Variants in ATP10A observed in about 807,000 individuals in gnomAD.
ATP10A encodes the protein phospholipid-transporting ATPase VA.
In ATP10A, 111 loss-of-function variants were observed where a neutral mutation model predicts 147.8. The ratio of observed to expected loss-of-function variants is 0.75; its 90% confidence interval spans 0.64 to 0.88. The LOEUF is 0.88. ATP10A is among the 40% of genes least tolerant of loss of function. The pLI is 0.00. For synonymous variants in ATP10A, 875 were observed against 841.6 expected, an observed-to-expected ratio of 1.04 and a Z score of -0.69; for missense variants, 1,927 against 1,959.0, an observed-to-expected ratio of 0.98 and a Z score of 0.31.
chr15:25,701,882 G>A (rs373852618), intron 13 of ATP10A, 34 bp downstream of exon 13: 26 of 1,554,532 alleles, frequency 1.7e-5, no homozygotes, highest in Non-Finnish European at 2.2e-5. Flanking sequence ...ACCACCCCAG[G>A]GGAAGGAAGC....
chr15:25,702,753 ATTT>A (rs760038774), intron 12 of ATP10A, among the ~76,000 whole-genome samples: 1 of 141,406 alleles, frequency 7.1e-6, no homozygotes. Context: ...CCTGCCTCAG[ATTT>A]TTTTTTTTTT....
intron 1 of ATP10A, among the ~76,000 whole-genome samples, chr15:25,851,890 C>T (rs1275193398): frequency 6.6e-6 from 1 of 152,056 alleles, no homozygotes; most frequent in Non-Finnish European, 1.5e-5. Context: ...ACTGCAAGAC[C>T]TCATCTCTAA....
intron 1 of ATP10A, among the ~76,000 whole-genome samples, chr15:25,829,887 G>A (rs1159143172): frequency 6.6e-6 from 1 of 152,202 alleles, no homozygotes; most frequent in Admixed American, 6.5e-5. Flanking sequence ...CCAGGGAAGG[G>A]AAGACAGTGA....
intron 1 of ATP10A, among the ~76,000 whole-genome samples, chr15:25,813,627 CT>C (rs1353316074): frequency 4.6e-5 from 7 of 152,100 alleles, no homozygotes; most frequent in Admixed American, 4.6e-4. Flanking sequence ...TGAAATATCC[CT>C]GTGTCCAAGA....
At chr15:25,718,938 C>A (rs1902030505) in intron 7 of ATP10A, among the ~76,000 whole-genome samples, 1 of 152,182 alleles carries the variant, frequency 6.6e-6, no homozygotes, top group Non-Finnish European at 1.5e-5. Flanking sequence ...TTGGACTCAG[C>A]TTTGAAACTC....
intron 13 of ATP10A, among the ~76,000 whole-genome samples, chr15:25,700,155 T>A (rs1047115773): frequency 3.3e-5 from 5 of 152,042 alleles, no homozygotes; most frequent in Admixed American, 6.6e-5. Context: ...TAGACACTAG[T>A]GAAATGCAAA....
At chr15:25,837,670 CG>C (rs2140884154) in intron 1 of ATP10A, among the ~76,000 whole-genome samples, 1 of 152,322 alleles carries the variant, frequency 6.6e-6, no homozygotes, top group South Asian at 2.1e-4. Flanking sequence ...CATGAACGAG[CG>C]CCACTGGGTA....
chr15:25,812,419 C>A (rs1212705482), intron 1 of ATP10A, among the ~76,000 whole-genome samples: 1 of 152,136 alleles, frequency 6.6e-6, no homozygotes. Flanking sequence ...GGAAACATTA[C>A]TATAAAAATA....
At chr15:25,861,282 G>A (rs1473419943) in intron 1 of ATP10A, among the ~76,000 whole-genome samples, 1 of 152,210 alleles carries the variant, frequency 6.6e-6, no homozygotes, top group African/African-American at 2.4e-5. Flanking sequence ...AGCGCCTTCA[G>A]TGACTCTTAC....
chr15:25,843,717 A>G (rs942943215), intron 1 of ATP10A, among the ~76,000 whole-genome samples: 5 of 152,150 alleles, frequency 3.3e-5, no homozygotes, highest in African/African-American at 4.8e-5. Context: ...CCCTGTAGAA[A>G]GACAGACGCA....
chr15:25,796,177 C>T (rs1890662712), intron 1 of ATP10A, among the ~76,000 whole-genome samples: 2 of 152,160 alleles, frequency 1.3e-5, no homozygotes, highest in Non-Finnish European at 1.5e-5. Flanking sequence ...TGGTTCACAT[C>T]TGTAATCCCA....
In ATP10A at chr15:25,693,372, C is replaced by T. The variant is rs1241783978; in HGVS notation, c.3088+1447G>A. Among the ~76,000 whole-genome samples, 2 of 152,148 alleles carry T rather than the reference C, an allele frequency of 1.3e-5. 1 individual carries two copies. The highest frequency in any genetic ancestry group is 2.9e-5 in the Non-Finnish European group (2 of 68,022). The stretch of plus-strand genomic sequence containing the variant: ...TACTTTCCCGTTTTCTTTTGAGATT[C>T]CATTCTGTGTTTCCTTTTCTTTTTA... On this transcript the variant is annotated intron_variant, in intron 14 of 20. Transcript: ENST00000555815.
intron 8 of ATP10A, among the ~76,000 whole-genome samples, chr15:25,717,838 A>C (rs1901917021): frequency 6.6e-6 from 1 of 152,024 alleles, no homozygotes; most frequent in East Asian, 1.9e-4. Flanking sequence ...GTCTAATTAA[A>C]ACTCCCTTGG....
intron 1 of ATP10A, among the ~76,000 whole-genome samples, chr15:25,849,097 C>T (rs1893163501): frequency 6.6e-6 from 1 of 151,884 alleles, no homozygotes; most frequent in South Asian, 2.1e-4. Flanking sequence ...ACAGGAGAGG[C>T]GGGGTAAGCA....
chr15:25,797,708 A>G (rs1446858105), intron 1 of ATP10A, among the ~76,000 whole-genome samples: 1 of 152,120 alleles, frequency 6.6e-6, no homozygotes, highest in African/African-American at 2.4e-5. Context: ...TCTGTCACCA[A>G]GGTCAGAGCT....
intron 3 of ATP10A, 87 bp downstream of exon 3, chr15:25,735,969 G>C (rs551672726): frequency 8.5e-7 from 1 of 1,172,686 alleles, no homozygotes; most frequent in Non-Finnish European, 1.3e-6. Context: ...AGTATTAAAT[G>C]CATACTTTAT....
intron 1 of ATP10A, among the ~76,000 whole-genome samples, chr15:25,800,077 A>G (rs1310155135): frequency 6.6e-6 from 1 of 152,222 alleles, no homozygotes; most frequent in Admixed American, 6.5e-5. Flanking sequence ...AGGGTGAGGC[A>G]GGAGAGGAGC....
At chr15:25,811,162 C>G (rs1891412223) in intron 1 of ATP10A, among the ~76,000 whole-genome samples, 1 of 152,178 alleles carries the variant, frequency 6.6e-6, no homozygotes, top group South Asian at 2.1e-4. Context: ...TGGGACACAA[C>G]AGGGAGGGAG....
chr15:25,764,492 G>A (rs1888921534), intron 2 of ATP10A, among the ~76,000 whole-genome samples: 1 of 152,158 alleles, frequency 6.6e-6, no homozygotes, highest in South Asian at 2.1e-4. Flanking sequence ...CTTCTAAGAA[G>A]AGACACTCAC....
Sources: gnomAD v4.1 joint callset for allele counts (sites outside exome capture counted in the v4.1 genomes callset) on GRCh38, gnomAD v4.1.1 for gene constraint, MANE v1.5 for transcripts, NCBI Gene and HGNC (gene_info 2026-07-23, HGNC 2026-07-21) for gene names.